Variants in BLMH observed in about 807,000 individuals in gnomAD.
BLMH encodes bleomycin hydrolase.
BLMH carries 32 observed loss-of-function variants against 61.6 expected under a neutral mutation model. That is an observed-to-expected ratio of 0.52 (90% CI 0.39 to 0.70). The LOEUF is 0.70. Among genes scored for constraint, BLMH ranks in the 30% least tolerant of loss-of-function variants. The probability of loss-of-function intolerance (pLI) is 0.00; values close to 1 mark genes in which losing one functional copy is unlikely to be tolerated. For missense variants in BLMH, 460 were observed against 555.5 expected (o/e 0.83, Z 1.73); for synonymous variants, 183 against 193.8 (o/e 0.94, Z 0.46).
intron 1 of BLMH, 36 bp downstream of exon 1, chr17:30,291,771 T>A: frequency 7.1e-7 from 1 of 1,411,246 alleles, no homozygotes; most frequent in Non-Finnish European, 9.2e-7. Context: ...GCGGAGCTCC[T>A]CCAGAGGACC....
At chr17:30,289,554 C>T (rs1908827219) in intron 2 of BLMH, 72 bp from the exon 3 acceptor site, 1 of 970,028 alleles carries the variant, frequency 1.0e-6, no homozygotes, top group African/African-American at 1.7e-5. Flanking sequence ...GTATTTCCCA[C>T]CAATGAACTC....
At chr17:30,282,269 G>T (rs548743134) in intron 6 of BLMH, among the ~76,000 whole-genome samples, 4 of 148,590 alleles carry the variant, frequency 2.7e-5, no homozygotes, top group Admixed American at 6.7e-5. Context: ...TGTCACCCAG[G>T]CTGGACTGCA....
chr17:30,265,405 T>C (rs1394318525), intron 11 of BLMH, among the ~76,000 whole-genome samples: 1 of 152,182 alleles, frequency 6.6e-6, no homozygotes, highest in African/African-American at 2.4e-5. Context: ...CATATGCTCA[T>C]ATCCAAACCT....
intron 6 of BLMH, among the ~76,000 whole-genome samples, chr17:30,282,898 A>G (rs1222600496): frequency 6.6e-6 from 1 of 152,238 alleles, no homozygotes. Flanking sequence ...ATGGCGGCTC[A>G]CACTTTATAA....
Position 30,289,404 on chromosome 17 carries a change from A to G in BLMH, c.290T>C (p.Phe97Ser). Residue 97 changes from phenylalanine (F) to serine (S), a missense_variant, in exon 3 of 12, where the codon TTT (phenylalanine) becomes TCT (serine). Coordinates refer to ENST00000261714, the MANE Select transcript of BLMH (RefSeq NM_000386.4). ...CCAAAAAAACAGGTAAGATTGGCTA[A>G]ACTCAAATTCTTCAATATTTAACTT... Reference protein sequence around the residue: ...MKKLNIEEFEFSQSYLFFWDK... With the variant: ...MKKLNIEEFESSQSYLFFWDK... 1 of 1,611,580 alleles carries G rather than the reference A, an allele frequency of 6.2e-7. No homozygotes were observed.
chr17:30,272,444 G>A (rs535819873), intron 9 of BLMH, 117 bp downstream of exon 9: 12 of 1,105,326 alleles, frequency 1.1e-5, no homozygotes, highest in African/African-American at 1.5e-5. Context: ...AAAGAGACGC[G>A]CCCTTAGGTC....
chr17:30,280,081 T>C (rs1402503468), intron 6 of BLMH, among the ~76,000 whole-genome samples: 1 of 152,132 alleles, frequency 6.6e-6, no homozygotes, highest in African/African-American at 2.4e-5. Context: ...CTTCAACAGT[T>C]TTTAAGGCAG....
chr17:30,252,663 T>G (rs1246188662), intron 11 of BLMH, among the ~76,000 whole-genome samples: 1 of 150,914 alleles, frequency 6.6e-6, no homozygotes, highest in Non-Finnish European at 1.5e-5. Flanking sequence ...GTGGGAATGG[T>G]AGGGGTTGGG....
chr17:30,261,770 G>A (rs1907966343), intron 11 of BLMH, among the ~76,000 whole-genome samples: 1 of 152,252 alleles, frequency 6.6e-6, no homozygotes, highest in Admixed American at 6.5e-5. Flanking sequence ...TTGGGCTGGT[G>A]AGACAATTAA....
At chr17:30,251,560 A>G (rs1006235551) in intron 11 of BLMH, among the ~76,000 whole-genome samples, 1 of 152,278 alleles carries the variant, frequency 6.6e-6, no homozygotes. Context: ...TTTCTCTGAA[A>G]GTTTGTATAA....
At chr17:30,285,652 A>C in intron 5 of BLMH, 172 bp from the exon 6 acceptor site, 1 of 470,320 alleles carries the variant, frequency 2.1e-6, no homozygotes, top group East Asian at 3.5e-5. Flanking sequence ...ACATAGCTAA[A>C]AATGCTTTCC....
Position 30,248,432 on chromosome 17 carries a change from G to A in BLMH, c.*585C>T, listed in dbSNP as rs1349169369. 6.6e-6 allele frequency: 1 copy of A among 151,742 alleles called. No homozygotes were observed. Among genetic ancestry groups the A allele is most frequent in the Non-Finnish European group, 1.5e-5 (1 of 68,012 alleles). The allele number at this position is 151,742 out of a possible 1,614,324, so 9.4% of individuals were successfully genotyped here. ...TCAAACCTGACTCAAGCAGAGATGT[G>A]CACACCCCACAGTTCAGAACAGGAA... On this transcript the variant is annotated 3_prime_UTR_variant, in exon 12 of 12. Transcript: ENST00000261714.
intron 11 of BLMH, among the ~76,000 whole-genome samples, chr17:30,252,533 CAAAAAAAAA>C (rs34594289): frequency 4.1e-4 from 27 of 66,392 alleles, no homozygotes; most frequent in South Asian, 7.2e-4. Flanking sequence ...CCCATCCTCA[CAAAAAAAAA>C]AAAAAAAAAA....
chr17:30,249,265 A>C, intron 11 of BLMH, 97 bp from the exon 12 acceptor site: 1 of 1,283,504 alleles, frequency 7.8e-7, no homozygotes, highest in Non-Finnish European at 1.1e-6. Flanking sequence ...ACTAATATTC[A>C]TACATATTTT....
At chr17:30,288,677 G>A (rs1356478335) in intron 3 of BLMH, among the ~76,000 whole-genome samples, 1 of 152,004 alleles carries the variant, frequency 6.6e-6, no homozygotes, top group African/African-American at 2.4e-5. Flanking sequence ...TTAGGAAATG[G>A]AATATGGCCA....
chr17:30,265,643 C>G (rs1908081829), intron 11 of BLMH, among the ~76,000 whole-genome samples: 1 of 152,134 alleles, frequency 6.6e-6, no homozygotes, highest in Non-Finnish European at 1.5e-5. Context: ...GCTTCCCTAC[C>G]TGGTTCTTCT....
chr17:30,255,552 T>C (rs1045119052), intron 11 of BLMH, among the ~76,000 whole-genome samples: 2 of 152,250 alleles, frequency 1.3e-5, no homozygotes, highest in Non-Finnish European at 2.9e-5. Flanking sequence ...TTGCTTGCTA[T>C]TGACAGTTTT....
chr17:30,249,228 C>CT (rs1023816807), intron 11 of BLMH, 60 bp from the exon 12 acceptor site: 82 of 1,557,698 alleles, frequency 5.3e-5, no homozygotes, highest in Middle Eastern at 1.7e-4. Flanking sequence ...AGCAGAAACC[C>CT]TTTTTGTAGG....
intron 11 of BLMH, among the ~76,000 whole-genome samples, chr17:30,260,275 G>C (rs1907920170): frequency 6.6e-6 from 1 of 152,116 alleles, no homozygotes; most frequent in Non-Finnish European, 1.5e-5. Context: ...TCTTAAACCA[G>C]TGCAAACACC....
Sources: allele counts gnomAD v4.1 joint callset (sites outside exome capture counted in the v4.1 genomes callset), GRCh38; gene constraint gnomAD v4.1.1; transcripts MANE v1.5; gene names NCBI Gene and HGNC (gene_info 2026-07-23, HGNC 2026-07-21).